TTC33: variants seen among roughly 807,000 people sequenced by gnomAD.
TTC33 encodes tetratricopeptide repeat protein 33.
Under a neutral mutation model 29.4 loss-of-function variants are expected in TTC33, and 24 were observed. The observed-to-expected ratio is 0.82, with a 90% CI of 0.59 to 1.15. The LOEUF (loss-of-function observed/expected upper bound fraction) is 1.15. TTC33 is among the 50% of genes most tolerant of loss of function. The pLI is 0.00. For synonymous variants in TTC33, 107 were observed against 100.3 expected (o/e 1.07, Z -0.40); for missense variants, 286 against 310.4 (o/e 0.92, Z 0.59).
intron 1 of TTC33, among the ~76,000 whole-genome samples, chr5:40,748,285 C>A (rs771880267): frequency 6.6e-6 from 1 of 152,114 alleles, no homozygotes; most frequent in Admixed American, 6.5e-5. Context: ...CAACCTCTGC[C>A]TCCCAGGTTC....
Position 40,746,798 on chromosome 5 carries a change from C to T in TTC33, c.221G>A (p.Arg74Lys). 1.2e-6 allele frequency: 2 copies of T among 1,608,778 alleles called. No individual in the cohort carries two copies. Among genetic ancestry groups the T allele is most frequent in the Non-Finnish European group, 1.7e-6 (2 of 1,178,314 alleles). Residue 74 changes from arginine (R) to lysine (K), a missense_variant and splice_region_variant, in exon 2 of 5, where the codon AGA becomes AAA. Transcript: ENST00000337702. ...TAAAAAAAAAACTTTAAATACATAC[C>T]TTTTATTTTCAGCCAAACTGGCTCC... ...DEGASLAENK[R>K]YREAIQKWDE... is the part of the protein sequence containing the mutation.
intron 2 of TTC33, among the ~76,000 whole-genome samples, chr5:40,738,579 TAAA>T (rs1742622785): frequency 7.1e-6 from 1 of 139,902 alleles, no homozygotes; most frequent in African/African-American, 2.6e-5. Context: ...TAAAATAAAA[TAAA>T]ATAAAATAAA....
chr5:40,748,672 G>C (rs542016353), intron 1 of TTC33, among the ~76,000 whole-genome samples: 1 of 152,318 alleles, frequency 6.6e-6, no homozygotes, highest in South Asian at 2.1e-4. Context: ...AAATATACAT[G>C]AAATTAGATT....
chr5:40,732,835 T>C (rs1394872341), intron 2 of TTC33, among the ~76,000 whole-genome samples: 1 of 152,128 alleles, frequency 6.6e-6, no homozygotes, highest in Non-Finnish European at 1.5e-5. Flanking sequence ...CTTGAACTCT[T>C]GACCTCAACT....
intron 4 of TTC33, among the ~76,000 whole-genome samples, chr5:40,717,616 A>T (rs960006622): frequency 6.6e-6 from 1 of 152,242 alleles, no homozygotes; most frequent in African/African-American, 2.4e-5. Flanking sequence ...TAGTTGTGAT[A>T]AACAAAAATG....
At chr5:40,720,611 G>C (rs1208296389) in intron 4 of TTC33, among the ~76,000 whole-genome samples, 1 of 152,168 alleles carries the variant, frequency 6.6e-6, no homozygotes, top group African/African-American at 2.4e-5. Context: ...CAGCAAGATG[G>C]CAGAGTGGGA....
chr5:40,720,082 C>T (rs187652327), intron 4 of TTC33, among the ~76,000 whole-genome samples: 3 of 152,216 alleles, frequency 2.0e-5, no homozygotes, highest in Admixed American at 6.5e-5. Context: ...GTTGTTTGTG[C>T]TTCCAATGTC....
At chr5:40,721,127 C>T (rs1742121803) in intron 4 of TTC33, among the ~76,000 whole-genome samples, 1 of 152,152 alleles carries the variant, frequency 6.6e-6, no homozygotes, top group African/African-American at 2.4e-5. Context: ...TCCAATGCCC[C>T]AGTTTTTATG....
chr5:40,737,612 G>A (rs932867516), intron 2 of TTC33, among the ~76,000 whole-genome samples: 6 of 151,872 alleles, frequency 4.0e-5, no homozygotes, highest in African/African-American at 1.5e-4. Flanking sequence ...ATCAAAAAAC[G>A]TACCCACTTG....
intron 1 of TTC33, 34 bp from the exon 2 acceptor site, chr5:40,747,053 T>C: frequency 6.4e-7 from 1 of 1,558,510 alleles, no homozygotes; most frequent in South Asian, 1.2e-5. Context: ...TTTAAAATTC[T>C]AACTTGATCT....
In TTC33 at chr5:40,715,821, A is replaced by T. The variant is rs1741985031; in HGVS notation, c.*324T>A. On this transcript the variant is annotated 3_prime_UTR_variant, in exon 5 of 5. Transcript: ENST00000337702. Reference sequence around the variant, plus strand: ...TTGAGACAGCATTTCAGTAACATTGATCAAATTATTCACTATTCAAGAATA... The same window carrying T: ...TTGAGACAGCATTTCAGTAACATTGTTCAAATTATTCACTATTCAAGAATA... 4.8e-6 allele frequency: 1 copy of T among 207,840 alleles called. No individual in the cohort carries two copies. Among genetic ancestry groups the T allele is most frequent in the African/African-American group, 2.3e-5 (1 of 43,548 alleles). The allele number at this position is 207,840 out of a possible 1,614,324, so 12.9% of individuals were successfully genotyped here.
At chr5:40,723,516 A>T (rs1742205001) in intron 4 of TTC33, among the ~76,000 whole-genome samples, 1 of 64,356 alleles carries the variant, frequency 1.6e-5, no homozygotes, top group South Asian at 5.2e-4. Flanking sequence ...TCAAATTAAA[A>T]AAAAAAAAAA....
At chr5:40,718,981 C>A (rs182854923) in intron 4 of TTC33, among the ~76,000 whole-genome samples, 2 of 152,210 alleles carry the variant, frequency 1.3e-5, no homozygotes, top group Admixed American at 1.3e-4. Flanking sequence ...TAATAAAAAT[C>A]CACCTATATA....
At position 40,711,729 on chromosome 5, in the gene TTC33, A is replaced by G. The variant is rs933546659; in HGVS notation, c.*4416T>C. 3.3e-5 allele frequency among the ~76,000 whole-genome samples: 5 copies of G among 152,154 alleles called. No individual in the cohort carries two copies. The highest frequency in any genetic ancestry group is 5.9e-5 in the Non-Finnish European group (4 of 68,000). On this transcript the variant is annotated 3_prime_UTR_variant, in exon 5 of 5. Coordinates refer to ENST00000337702, the MANE Select transcript of TTC33 (RefSeq NM_012382.3). ...AAAAAGGAACTTATTATTGATACACATGATAACATGGATGAATCTCAACAT... is the reference window on the plus strand; with the variant it reads ...AAAAAGGAACTTATTATTGATACACGTGATAACATGGATGAATCTCAACAT...
chr5:40,722,877 G>A (rs1354974423), intron 4 of TTC33, among the ~76,000 whole-genome samples: 4 of 150,652 alleles, frequency 2.7e-5, no homozygotes, highest in Admixed American at 6.6e-5. Flanking sequence ...GCCTCCGCCC[G>A]GCTGCCCCAT....
intron 1 of TTC33, among the ~76,000 whole-genome samples, chr5:40,747,311 G>A (rs1169461831): frequency 6.6e-6 from 1 of 152,092 alleles, no homozygotes; most frequent in Non-Finnish European, 1.5e-5. Flanking sequence ...GCCCATCTCG[G>A]TCTCCCAAAG....
intron 2 of TTC33, among the ~76,000 whole-genome samples, chr5:40,742,750 C>T (rs941900941): frequency 8.5e-5 from 13 of 152,122 alleles, no homozygotes; most frequent in African/African-American, 2.7e-4. Flanking sequence ...TATTTTCATT[C>T]GGGAGGAGGG....
chr5:40,716,407 T>A lies in TTC33; in HGVS notation c.527A>T (p.Glu176Val), dbSNP rs777175592. The A allele has an allele frequency of 2.0e-5, 32 of 1,613,886 alleles. No individual in the cohort carries two copies. The highest frequency in any genetic ancestry group is 2.5e-5 in the Non-Finnish European group (30 of 1,180,046). Reference sequence around the variant, plus strand: ...AATCCTCTGTGCTACCTTCTGCTGCTCCTGGAGCGTTCTTGCCCAAGAGAG... The same window carrying A: ...AATCCTCTGTGCTACCTTCTGCTGCACCTGGAGCGTTCTTGCCCAAGAGAG... Reference protein sequence around the residue: ...EDLSWARTLQEQQKVAQRIKK... With the variant: ...EDLSWARTLQVQQKVAQRIKK... The change falls in exon 5 of 5, where the codon GAG becomes GTG. Residue 176 changes from glutamate to valine, a missense_variant. By Grantham distance (121) the Glu-to-Val change is moderately radical. Transcript: ENST00000337702.
At chr5:40,717,977 G>A (rs375973599) in intron 4 of TTC33, among the ~76,000 whole-genome samples, 16 of 151,834 alleles carry the variant, frequency 1.1e-4, no homozygotes, top group African/African-American at 3.4e-4. Flanking sequence ...CAGGAGAATC[G>A]CTTGAACTCG....
Sources: allele counts gnomAD v4.1 joint callset (sites outside exome capture counted in the v4.1 genomes callset), GRCh38; gene constraint gnomAD v4.1.1; transcripts MANE v1.5; gene names NCBI Gene and HGNC (gene_info 2026-07-23, HGNC 2026-07-21).